CCSER1: variants seen among roughly 807,000 people sequenced by gnomAD.
CCSER1 encodes the protein coiled-coil serine rich protein 1, also known as serine-rich coiled-coil domain-containing protein 1.
Under a neutral mutation model 82.0 loss-of-function variants are expected in CCSER1, and 41 were observed. The observed-to-expected ratio is 0.50, with a 90% CI of 0.39 to 0.65. CCSER1 has a LOEUF of 0.65. CCSER1 is among the 30% of genes least tolerant of loss of function. The probability of loss-of-function intolerance (pLI) is 0.00; values close to 1 mark genes in which losing one functional copy is unlikely to be tolerated. For missense variants in CCSER1, 1,119 were observed against 1,064.2 expected (o/e 1.05, Z -0.72); for synonymous variants, 414 against 383.9 (o/e 1.08, Z -0.92).
chr4:91,137,012 CT>C (rs33996386), intron 10 of CCSER1, among the ~76,000 whole-genome samples: 7,054 of 149,308 alleles, frequency 0.047, 234 homozygotes, highest in African/African-American at 0.092. Context: ...TATAAAAATT[CT>C]TTTTTTTTTT....
intron 3 of CCSER1, among the ~76,000 whole-genome samples, chr4:90,366,443 G>A (rs1207985267): frequency 6.6e-6 from 1 of 151,726 alleles, no homozygotes; most frequent in Non-Finnish European, 1.5e-5. Flanking sequence ...TGAATACAGT[G>A]TGGAATAATT....
chr4:90,691,175 G>A (rs1430488164), intron 6 of CCSER1, among the ~76,000 whole-genome samples: 1 of 151,780 alleles, frequency 6.6e-6, no homozygotes, highest in East Asian at 1.9e-4. Context: ...TATTAATAAG[G>A]TAGAAACACA....
At chr4:90,214,531 C>G (rs1055489723) in intron 1 of CCSER1, among the ~76,000 whole-genome samples, 2 of 142,794 alleles carry the variant, frequency 1.4e-5, no homozygotes, top group Non-Finnish European at 3.2e-5. Flanking sequence ...CTGTGAATTT[C>G]TCAGTTATTT....
intron 10 of CCSER1, among the ~76,000 whole-genome samples, chr4:91,308,838 C>G (rs1165068947): frequency 6.6e-6 from 1 of 151,806 alleles, no homozygotes; most frequent in Non-Finnish European, 1.5e-5. Context: ...TTTTTTAACA[C>G]AGGAGCAACC....
At chr4:90,276,258 C>CTTTG (rs1727708458) in intron 1 of CCSER1, among the ~76,000 whole-genome samples, 8 of 94,134 alleles carry the variant, frequency 8.5e-5, no homozygotes, top group African/African-American at 3.7e-4. Context: ...TTCTTTCCTT[C>CTTTG]CTTCCTTCCT....
At chr4:90,384,996 G>C (rs1749791040) in intron 3 of CCSER1, among the ~76,000 whole-genome samples, 1 of 152,082 alleles carries the variant, frequency 6.6e-6, no homozygotes, top group South Asian at 2.1e-4. Context: ...TTGGTTTTCT[G>C]TTCCTGAGTT....
intron 8 of CCSER1, 54 bp from the exon 9 acceptor site, chr4:90,923,316 G>C (rs1728648070): frequency 1.7e-6 from 2 of 1,195,380 alleles, no homozygotes; most frequent in East Asian, 5.1e-5. Flanking sequence ...GAATATTAGT[G>C]TAGAAGTACA....
Position 90,582,860 on chromosome 4 carries a change from T to C in CCSER1, c.1725-45165T>C, listed in dbSNP as rs184430858. On this transcript the variant is annotated intron_variant, in intron 5 of 10. Coordinates refer to ENST00000509176, the MANE Select transcript of CCSER1 (RefSeq NM_001145065.2). ...ACTAATTCATGCTTGAGAAAAAATA[T>C]AGTTTTTTGTTTGGCCTATGAAAAA... Among the ~76,000 whole-genome samples, 9 of 152,268 alleles carry C rather than the reference T, an allele frequency of 5.9e-5. No individual in the cohort carries two copies. In the East Asian group the frequency reaches 1.5e-3, roughly 26 times the overall value.
intron 10 of CCSER1, among the ~76,000 whole-genome samples, chr4:91,196,550 C>A (rs892963734): frequency 6.6e-6 from 1 of 152,110 alleles, no homozygotes; most frequent in Admixed American, 6.5e-5. Flanking sequence ...GTCATGACAA[C>A]CCCCCTGCCC....
At chr4:90,194,649 G>T (rs1407112747) in intron 1 of CCSER1, among the ~76,000 whole-genome samples, 2 of 151,764 alleles carry the variant, frequency 1.3e-5, no homozygotes, top group Admixed American at 1.3e-4. Context: ...TCATTTTTGT[G>T]GTATTAATTG....
intron 5 of CCSER1, among the ~76,000 whole-genome samples, chr4:90,499,304 C>G (rs1354832796): frequency 6.6e-6 from 1 of 152,074 alleles, no homozygotes; most frequent in Admixed American, 6.6e-5. Context: ...TGTTAAAAAT[C>G]ACCTGCCTCT....
intron 1 of CCSER1, among the ~76,000 whole-genome samples, chr4:90,230,116 C>T (rs746599885): frequency 9.2e-5 from 14 of 152,144 alleles, no homozygotes; most frequent in Non-Finnish European, 1.6e-4. Flanking sequence ...CTGCACCAAG[C>T]GGACCTAATA....
chr4:90,215,540 A>G (rs1208823801), intron 1 of CCSER1, among the ~76,000 whole-genome samples: 1 of 152,068 alleles, frequency 6.6e-6, no homozygotes, highest in Non-Finnish European at 1.5e-5. Flanking sequence ...CAGGAAAAAC[A>G]CCATTTATCT....
chr4:90,378,297 T>C (rs111865334), intron 3 of CCSER1, among the ~76,000 whole-genome samples: 2,589 of 152,286 alleles, frequency 0.017, 47 homozygotes, highest in African/African-American at 0.045. Flanking sequence ...AAATACTTTA[T>C]AGTTTTCTGT....
At chr4:90,665,225 T>C (rs1186822119) in intron 6 of CCSER1, among the ~76,000 whole-genome samples, 1 of 152,144 alleles carries the variant, frequency 6.6e-6, no homozygotes, top group Non-Finnish European at 1.5e-5. Context: ...CAAATACTTA[T>C]AAGTGTTGTA....
intron 9 of CCSER1, among the ~76,000 whole-genome samples, chr4:90,953,857 T>C (rs1325274721): frequency 6.6e-6 from 1 of 151,942 alleles, no homozygotes; most frequent in Non-Finnish European, 1.5e-5. Flanking sequence ...TTAAAATCCC[T>C]TATCATATTA....
At chr4:90,929,255 A>G (rs1397121475) in intron 9 of CCSER1, among the ~76,000 whole-genome samples, 1 of 152,144 alleles carries the variant, frequency 6.6e-6, no homozygotes, top group Non-Finnish European at 1.5e-5. Flanking sequence ...AAAAGCCACT[A>G]ATTTTTTATA....
At chr4:91,529,883 G>C (rs1463634955) in intron 10 of CCSER1, among the ~76,000 whole-genome samples, 1 of 152,112 alleles carries the variant, frequency 6.6e-6, no homozygotes, top group Admixed American at 6.5e-5. Context: ...TCAGAGGGAA[G>C]ACACAGGGAA....
At chr4:90,379,304 T>C (rs1312767715) in intron 3 of CCSER1, among the ~76,000 whole-genome samples, 1 of 152,202 alleles carries the variant, frequency 6.6e-6, no homozygotes, top group Non-Finnish European at 1.5e-5. Flanking sequence ...ATTAAAGGTT[T>C]ATACGGGATG....
Sources: allele counts gnomAD v4.1 joint callset (sites outside exome capture counted in the v4.1 genomes callset), GRCh38; gene constraint gnomAD v4.1.1; transcripts MANE v1.5; gene names NCBI Gene and HGNC (gene_info 2026-07-23, HGNC 2026-07-21).